The following ZNF385D variants were observed in gnomAD, a reference collection of about 807,000 sequenced individuals.
ZNF385D encodes the protein zinc finger protein 385D.
ZNF385D carries 15 observed loss-of-function variants against 35.8 expected under a neutral mutation model. That is an observed-to-expected ratio of 0.42 (90% CI 0.28 to 0.64). The LOEUF (loss-of-function observed/expected upper bound fraction) is 0.64, where lower values mean the gene tolerates loss of function less well. Ranked by LOEUF, ZNF385D falls within the 30% of genes least tolerant of loss-of-function variation. The pLI is 0.23. For missense variants in ZNF385D, 474 were observed against 494.6 expected, an observed-to-expected ratio of 0.96 and a Z score of 0.39; for synonymous variants, 212 against 186.8, an observed-to-expected ratio of 1.13 and a Z score of -1.10.
Position 22,299,720 on chromosome 3 carries a change from A to AT in ZNF385D, c.106+72729dup, listed in dbSNP as rs1308364285. ...GAAAACGATCCCATTTAAAATAGTTATAAAAAATAGTAAAATTCTTAGGAA... is the reference window on the plus strand; with the variant it reads ...GAAAACGATCCCATTTAAAATAGTTATTAAAAAATAGTAAAATTCTTAGGAA... On this transcript the variant is annotated intron_variant, in intron 2 of 5. Transcript: ENST00000494108. 2.0e-5 allele frequency among the ~76,000 whole-genome samples: 3 copies of AT among 151,942 alleles called. No individual in the cohort carries two copies. In the East Asian group the frequency reaches 5.8e-4, roughly 29 times the overall value.
chr3:21,872,729 G>A (rs1218660330), intron 3 of ZNF385D, among the ~76,000 whole-genome samples: 1 of 151,930 alleles, frequency 6.6e-6, no homozygotes. Flanking sequence ...ACTTCTGAAG[G>A]GATAAAAGCA....
chr3:21,820,482 C>T (rs946063756), intron 3 of ZNF385D, among the ~76,000 whole-genome samples: 10 of 151,424 alleles, frequency 6.6e-5, no homozygotes, highest in South Asian at 2.1e-4. Flanking sequence ...GAAAATTTGT[C>T]GCAGAAATGC....
At chr3:21,434,474 C>T (rs929735719) in intron 5 of ZNF385D, among the ~76,000 whole-genome samples, 4 of 152,130 alleles carry the variant, frequency 2.6e-5, no homozygotes, top group African/African-American at 9.7e-5. Flanking sequence ...ATACCACACC[C>T]TAGGGAGAAG....
intron 3 of ZNF385D, among the ~76,000 whole-genome samples, chr3:21,561,681 G>C (rs1279180335): frequency 6.6e-6 from 1 of 152,154 alleles, no homozygotes; most frequent in African/African-American, 2.4e-5. Flanking sequence ...CCAAAGAGAG[G>C]GTGGGAGATT....
intron 2 of ZNF385D, among the ~76,000 whole-genome samples, chr3:21,640,271 CT>C (rs1056592311): frequency 6.6e-6 from 1 of 151,978 alleles, no homozygotes; most frequent in African/African-American, 2.4e-5. Flanking sequence ...CTTTTTTCCA[CT>C]TTTTGATTGA....
chr3:21,731,807 G>T (rs964027771), intron 1 of ZNF385D, among the ~76,000 whole-genome samples: 2 of 152,094 alleles, frequency 1.3e-5, no homozygotes, highest in South Asian at 4.1e-4. Context: ...AGTACAGTAT[G>T]CAGCCTTTTC....
intron 2 of ZNF385D, among the ~76,000 whole-genome samples, chr3:22,185,631 C>A (rs895543880): frequency 1.3e-5 from 2 of 152,120 alleles, no homozygotes; most frequent in African/African-American, 2.4e-5. Flanking sequence ...CCACACCCAG[C>A]TAATTTTTGT....
rs1158074661 is a variant in ZNF385D at position 21,820,906 on chromosome 3, T to TA, written c.326-155879dup. On this transcript the variant is annotated intron_variant, in intron 3 of 5. Coordinates refer to the ZNF385D transcript ENST00000494108. Reference sequence around the variant, plus strand: ...AATACAGTAAAGTTAGTTTTGTGATTAAAAAAAAGAAAACAAAAAGAAATT... The same window carrying TA: ...AATACAGTAAAGTTAGTTTTGTGATTAAAAAAAAAGAAAACAAAAAGAAATT... 1.0e-4 allele frequency among the ~76,000 whole-genome samples: 15 copies of TA among 148,408 alleles called. No individual in the cohort carries two copies. The South Asian group carries it at 1.1e-3, about 11-fold the overall frequency.
rs76904152 is a variant in ZNF385D, at chr3:21,830,615, G to T, written c.326-165587C>A. Among the ~76,000 whole-genome samples, 396 of 152,210 alleles carry T rather than the reference G, an allele frequency of 2.6e-3. 1 individual carries two copies. Among genetic ancestry groups the T allele is most frequent in the African/African-American group, 9.0e-3 (374 of 41,538 alleles). On this transcript the variant is annotated intron_variant, in intron 3 of 5. Coordinates refer to the ZNF385D transcript ENST00000494108. ...CTTCTTTCCTTCCCTTCCCTTGTCT[G>T]TCGAAGATGAGATTGACCTCTAGAC... is the stretch of plus-strand genomic sequence containing the variant.
At chr3:22,323,896 G>A (rs1694556548) in intron 2 of ZNF385D, among the ~76,000 whole-genome samples, 1 of 152,228 alleles carries the variant, frequency 6.6e-6, no homozygotes, top group African/African-American at 2.4e-5. Flanking sequence ...TGGTAAAGCT[G>A]AAATACCCAA....
intron 2 of ZNF385D, among the ~76,000 whole-genome samples, chr3:22,364,331 G>A (rs1180373596): frequency 1.3e-5 from 2 of 151,992 alleles, no homozygotes; most frequent in Non-Finnish European, 2.9e-5. Flanking sequence ...ACCACAGACT[G>A]GGAGAAAATA....
At chr3:21,748,543 G>A (rs565428252) in intron 1 of ZNF385D, among the ~76,000 whole-genome samples, 1 of 152,150 alleles carries the variant, frequency 6.6e-6, no homozygotes, top group Non-Finnish European at 1.5e-5. Flanking sequence ...GCTCTGCTGG[G>A]GACACAAATA....
rs191194834 is a variant in ZNF385D at position 22,096,118 on chromosome 3, G to A, written c.325+72699C>T. On this transcript the variant is annotated intron_variant, in intron 3 of 5. Transcript: ENST00000494108. ...AATTGAGAACGGAATGTTCATATAAGGTAAAAAAAATATATATACATGTTT... is the reference window on the plus strand; with the variant it reads ...AATTGAGAACGGAATGTTCATATAAAGTAAAAAAAATATATATACATGTTT... Among the ~76,000 whole-genome samples, 278 of 150,094 alleles carry A rather than the reference G, an allele frequency of 1.9e-3. 1 individual carries two copies. The highest frequency in any genetic ancestry group is 3.7e-3 in the Admixed American group (55 of 15,006).
At chr3:21,720,454 T>C (rs1308680388) in intron 1 of ZNF385D, among the ~76,000 whole-genome samples, 1 of 152,162 alleles carries the variant, frequency 6.6e-6, no homozygotes, top group Non-Finnish European at 1.5e-5. Flanking sequence ...CTCAGGAGGC[T>C]GAGATGGGAA....
chr3:21,602,512 A>ATTTT (rs199882061), intron 2 of ZNF385D, among the ~76,000 whole-genome samples: 17 of 90,178 alleles, frequency 1.9e-4, no homozygotes, highest in African/African-American at 2.3e-4. Flanking sequence ...GTTTCCCTGC[A>ATTTT]TTTTCTTTTT....
At chr3:21,928,629 T>A (rs182257100) in intron 3 of ZNF385D, among the ~76,000 whole-genome samples, 1 of 152,124 alleles carries the variant, frequency 6.6e-6, no homozygotes, top group African/African-American at 2.4e-5. Context: ...AGTGGGGAGA[T>A]AGATTACCAA....
intron 3 of ZNF385D, among the ~76,000 whole-genome samples, chr3:21,853,323 T>C (rs1416865792): frequency 6.6e-6 from 1 of 151,776 alleles, no homozygotes. Context: ...TTTTCCTGTA[T>C]CGTGGTTTTA....
intron 3 of ZNF385D, among the ~76,000 whole-genome samples, chr3:22,097,605 T>A (rs554781668): frequency 9.8e-4 from 149 of 152,008 alleles, no homozygotes; most frequent in African/African-American, 3.5e-3. Context: ...TATGATAAAA[T>A]GAGAAATGAG....
intron 3 of ZNF385D, among the ~76,000 whole-genome samples, chr3:22,107,675 C>G (rs1702299048): frequency 6.6e-6 from 1 of 151,896 alleles, no homozygotes; most frequent in Non-Finnish European, 1.5e-5. Context: ...CTATCAAAAG[C>G]TGTTTGCCAA....
Sources: allele counts gnomAD v4.1 joint callset (sites outside exome capture counted in the v4.1 genomes callset), GRCh38; gene constraint gnomAD v4.1.1; transcripts MANE v1.5; gene names NCBI Gene and HGNC (gene_info 2026-07-23, HGNC 2026-07-21).